Variants in TENM1 observed in about 807,000 individuals in gnomAD.
TENM1 encodes teneurin-1.
In TENM1, 35 loss-of-function variants were observed where a neutral mutation model predicts 174.8. The observed-to-expected ratio is 0.20, with a 90% CI of 0.15 to 0.27. The LOEUF is 0.27. Ranked by LOEUF, TENM1 falls within the 10% of genes least tolerant of loss-of-function variation. The probability of loss-of-function intolerance (pLI) is 1.00; values close to 1 mark genes in which losing one functional copy is unlikely to be tolerated. For synonymous variants in TENM1, 781 were observed against 798.7 expected (o/e 0.98, Z 0.37); for missense variants, 1,633 against 2,130.1 (o/e 0.77, Z 4.59).
At chrX:124,646,746 A>G in exon 9 of TENM1, 1 of 1,208,238 alleles carries the variant, frequency 8.3e-7, no homozygotes. Flanking sequence ...CTGGGAAACA[A>G]TGACAATGGC....
intron 6 of TENM1, among the ~76,000 whole-genome samples, chrX:124,656,331 T>C (rs764196855): frequency 8.9e-6 from 1 of 112,320 alleles, no homozygotes; most frequent in South Asian, 3.7e-4. Flanking sequence ...AGAAAGGAAG[T>C]TGTGTTGTTG....
the TENM1 span, among the ~76,000 whole-genome samples, chrX:125,060,241 C>A: frequency 1.3e-4 from 14 of 108,727 alleles, no homozygotes; most frequent in African/African-American, 4.4e-4. Flanking sequence ...CTCTGTAGAA[C>A]CCTGACTAAT....
the TENM1 span, among the ~76,000 whole-genome samples, chrX:125,067,724 T>C: frequency 8.9e-6 from 1 of 112,285 alleles, no homozygotes; most frequent in Admixed American, 9.5e-5. Context: ...CTAAAAGTGG[T>C]TGTTCATTGT....
intron 22 of TENM1, among the ~76,000 whole-genome samples, chrX:124,475,793 C>G (rs139094344): frequency 1.8e-5 from 2 of 111,075 alleles, no homozygotes; most frequent in South Asian, 3.9e-4. Flanking sequence ...TTTGCTCCAG[C>G]GCATTTATTA....
At chrX:124,559,619 G>T (rs1372869780) in intron 14 of TENM1, among the ~76,000 whole-genome samples, 2 of 110,585 alleles carry the variant, frequency 1.8e-5, no homozygotes, top group Non-Finnish European at 3.8e-5. Flanking sequence ...AGTGAGCTGA[G>T]ATTGTGCCAC....
intron 3 of TENM1, among the ~76,000 whole-genome samples, chrX:124,798,384 C>T (rs2055358162): frequency 2.7e-5 from 3 of 111,744 alleles, no homozygotes; most frequent in South Asian, 3.8e-4. Flanking sequence ...GATCGCCATT[C>T]TACTGGTGTG....
chrX:125,149,666 A>G, the TENM1 span, among the ~76,000 whole-genome samples: 1 of 112,186 alleles, frequency 8.9e-6, no homozygotes, highest in African/African-American at 3.2e-5. Flanking sequence ...AATGCTACAT[A>G]AAACATTTCC....
intron 4 of TENM1, among the ~76,000 whole-genome samples, chrX:124,711,294 A>C (rs1331393436): frequency 8.9e-6 from 1 of 111,930 alleles, no homozygotes; most frequent in Non-Finnish European, 1.9e-5. Flanking sequence ...CATCTATAAA[A>C]AAGGGGAAAA....
intron 11 of TENM1, among the ~76,000 whole-genome samples, chrX:124,617,551 CTTG>C: frequency 9.0e-6 from 1 of 111,617 alleles, no homozygotes; most frequent in East Asian, 2.8e-4. Context: ...TGGAGGTTGC[CTTG>C]TTGTAACTCT....
chrX:124,674,742 A>G (rs2052021465), intron 5 of TENM1, among the ~76,000 whole-genome samples: 1 of 111,254 alleles, frequency 9.0e-6, no homozygotes, highest in South Asian at 3.8e-4. Flanking sequence ...ACCTGTTCCA[A>G]TTAGAGGTAT....
chrX:125,149,119 G>T, the TENM1 span, among the ~76,000 whole-genome samples: 1 of 103,412 alleles, frequency 9.7e-6, no homozygotes, highest in Non-Finnish European at 2.0e-5. Flanking sequence ...CAATGCCACT[G>T]ATGCTCTAGC....
intron 6 of TENM1, among the ~76,000 whole-genome samples, chrX:124,665,095 T>C (rs1303164768): frequency 2.7e-5 from 3 of 111,828 alleles, no homozygotes; most frequent in African/African-American, 9.7e-5. Context: ...CCCAGCACTT[T>C]GGGAGGCCGA....
At chrX:124,695,304 G>A (rs1000306437) in intron 5 of TENM1, among the ~76,000 whole-genome samples, 15 of 111,256 alleles carry the variant, frequency 1.3e-4, no homozygotes, top group Non-Finnish European at 2.8e-4. Flanking sequence ...GGAGAATGCC[G>A]GGCCAGGGAT....
intron 4 of TENM1, among the ~76,000 whole-genome samples, chrX:124,715,165 T>C (rs2053149220): frequency 8.9e-6 from 1 of 112,037 alleles, no homozygotes; most frequent in Non-Finnish European, 1.9e-5. Flanking sequence ...GCTATAATCC[T>C]TTCAAACTAC....
At chrX:124,841,230 T>C (rs2056491631) in intron 3 of TENM1, among the ~76,000 whole-genome samples, 2 of 111,820 alleles carry the variant, frequency 1.8e-5, no homozygotes, top group Admixed American at 1.9e-4. Flanking sequence ...CCCCCATGCC[T>C]TTCTCCTTCA....
chrX:124,691,686 T>C (rs1030134905), intron 5 of TENM1, among the ~76,000 whole-genome samples: 12 of 112,315 alleles, frequency 1.1e-4, no homozygotes, highest in Admixed American at 2.8e-4. Flanking sequence ...AGATTATTTA[T>C]GGTCTGCCTA....
chrX:125,051,744 G>C, the TENM1 span, among the ~76,000 whole-genome samples: 47 of 103,592 alleles, frequency 4.5e-4, no homozygotes, highest in African/African-American at 1.5e-3. Context: ...AAAAACCCTA[G>C]AAGAAAACCT....
At chrX:124,952,884 C>A (rs1207469554) in intron 1 of TENM1, among the ~76,000 whole-genome samples, 1 of 111,786 alleles carries the variant, frequency 8.9e-6, no homozygotes. Flanking sequence ...AATAGCACTG[C>A]ATATGGCTCA....
chrX:124,435,360 C>G (rs1207190189), intron 23 of TENM1, among the ~76,000 whole-genome samples: 1 of 112,034 alleles, frequency 8.9e-6, no homozygotes, highest in East Asian at 2.8e-4. Flanking sequence ...AATTTACAGG[C>G]CAGAAGTATG....
Sources: allele counts gnomAD v4.1 joint callset (sites outside exome capture counted in the v4.1 genomes callset), GRCh38; gene constraint gnomAD v4.1.1; transcripts MANE v1.5; gene names NCBI Gene and HGNC (gene_info 2026-07-23, HGNC 2026-07-21).